Variants in USP32 observed in about 807,000 individuals in gnomAD.
The protein encoded by USP32 is ubiquitin specific peptidase 32.
Under a neutral mutation model 204.8 loss-of-function variants are expected in USP32, and 59 were observed. The observed-to-expected ratio is 0.29, with a 90% CI of 0.23 to 0.36. USP32 has a LOEUF of 0.36. USP32 is among the 10% of genes least tolerant of loss of function. USP32 has a pLI of 1.00. For synonymous variants in USP32, 517 were observed against 678.4 expected, an observed-to-expected ratio of 0.76 and a Z score of 3.70; for missense variants, 1,160 against 1,946.4, an observed-to-expected ratio of 0.60 and a Z score of 7.60.
At chr17:60,219,890 G>C (rs1319335868) in intron 15 of USP32, 103 bp from the exon 16 acceptor site, 10 of 1,069,546 alleles carry the variant, frequency 9.3e-6, no homozygotes, top group Non-Finnish European at 1.3e-5. Flanking sequence ...TGTCCAACAA[G>C]TTCACTAGCT....
chr17:60,183,403 T>C lies in USP32; in HGVS notation c.3885A>G (p.Ser1295=). ...FQFVNGRWIK[S]QKIVKFPRES... ...CCCGAGGAAATTTGACAATTTTCTG[T>C]GATTTTATCCACCGACCATTTACAA... Residue 1295 remains serine, a synonymous_variant, in exon 31 of 34, where the codon TCA becomes TCG. Coordinates refer to ENST00000300896, the MANE Select transcript of USP32 (RefSeq NM_032582.4). 1 of 1,613,508 alleles carries C rather than the reference T, an allele frequency of 6.2e-7. No individual in the cohort carries two copies.
chr17:60,288,503 A>G lies in USP32; in HGVS notation c.571+20T>C. ...ATATAAAAAAAGGCAAACAGAAAAC[A>G]ATGAAATGTCATTACTTACAATGTG... is the stretch of plus-strand genomic sequence containing the variant. On this transcript the variant is annotated intron_variant, in intron 5 of 33. Transcript: ENST00000300896. 1.3e-6 allele frequency: 2 copies of G among 1,570,062 alleles called. No individual in the cohort carries two copies. Among genetic ancestry groups the G allele is most frequent in the Middle Eastern group, 1.7e-4 (1 of 5,842 alleles).
chr17:60,220,083 T>A (rs1266728941), intron 15 of USP32, among the ~76,000 whole-genome samples: 1 of 151,992 alleles, frequency 6.6e-6, no homozygotes, highest in Admixed American at 6.6e-5. Context: ...TCTATAATTC[T>A]ACTACCCTCA....
rs75929823 is a variant in USP32 at position 60,404,090 on chromosome 17, A to G, written c.106+18156T>C. On this transcript the variant is annotated intron_variant, in intron 1 of 3. Coordinates refer to the USP32 transcript ENST00000588898. Reference sequence around the variant, plus strand: ...AAAAGAAAGAAAAAGAAATATGCGCACACACACATATTTCTGGGGATTACT... The same window carrying G: ...AAAAGAAAGAAAAAGAAATATGCGCGCACACACATATTTCTGGGGATTACT... 1.3e-3 allele frequency among the ~76,000 whole-genome samples: 193 copies of G among 152,020 alleles called. 1 individual carries two copies. The highest frequency in any genetic ancestry group is 4.4e-3 in the African/African-American group (181 of 41,496).
Position 60,271,356 on chromosome 17 carries a change from T to C in USP32, c.697A>G (p.Ser233Gly), listed in dbSNP as rs2086720041. 1.9e-6 allele frequency: 3 copies of C among 1,613,988 alleles called. No individual in the cohort carries two copies. The highest frequency in any genetic ancestry group is 2.2e-5 in the East Asian group (1 of 44,854). The stretch of plus-strand genomic sequence containing the variant: ...AAAATGGAATGATCCCTACCTTCAC[T>C]TAGAGATGGACGAATAGGTGGTGAA... ...LVSPPIRPSL[S>G]EGLFNAFDEN... Residue 233 changes from serine to glycine, a missense_variant, in exon 6 of 34, where the codon AGT becomes GGT. Transcript: ENST00000300896.
chr17:60,411,484 G>A (rs751874853), intron 1 of USP32, among the ~76,000 whole-genome samples: 8 of 148,474 alleles, frequency 5.4e-5, no homozygotes, highest in Non-Finnish European at 1.0e-4. Context: ...TTACACTCTA[G>A]CCTCGGTGAC....
intron 4 of USP32, among the ~76,000 whole-genome samples, chr17:60,289,867 T>A (rs984549642): frequency 5.9e-5 from 9 of 152,188 alleles, no homozygotes; most frequent in Admixed American, 1.3e-4. Flanking sequence ...GAATAATTAG[T>A]TACCTAAAAG....
intron 3 of USP32, among the ~76,000 whole-genome samples, chr17:60,300,569 C>A (rs190469564): frequency 1.9e-4 from 29 of 152,158 alleles, no homozygotes; most frequent in African/African-American, 5.8e-4. Context: ...AAAAATTAAA[C>A]CTTTTACAAA....
At chr17:60,193,143 G>A (rs1008631728) in intron 27 of USP32, among the ~76,000 whole-genome samples, 1 of 152,164 alleles carries the variant, frequency 6.6e-6, no homozygotes, top group Non-Finnish European at 1.5e-5. Context: ...CTTACAGAAG[G>A]GTAGACATAA....
At chr17:60,265,065 A>C (rs1482008753) in intron 9 of USP32, among the ~76,000 whole-genome samples, 1 of 152,160 alleles carries the variant, frequency 6.6e-6, no homozygotes, top group African/African-American at 2.4e-5. Flanking sequence ...CATACAGTAT[A>C]TATTCTTTTT....
chr17:60,249,692 T>TTAG, intron 11 of USP32: 1 of 700,214 alleles, frequency 1.4e-6, no homozygotes, highest in South Asian at 1.5e-5. Flanking sequence ...TCACCAAGGA[T>TTAG]TAGTAGTTCT....
At chr17:60,392,224 T>C, upstream of USP32, 1 of 399,304 alleles carries the variant, frequency 2.5e-6, no homozygotes, top group Non-Finnish European at 4.6e-6. Flanking sequence ...TCACGCCCTC[T>C]TGCCACTTCC....
upstream of USP32, among the ~76,000 whole-genome samples, chr17:60,394,066 T>G (rs542906600): frequency 6.6e-6 from 1 of 152,336 alleles, no homozygotes; most frequent in African/African-American, 2.4e-5. Context: ...CCTTTCCAGT[T>G]CACTGTGAGG....
chr17:60,346,115 A>ATT (rs572626378), intron 1 of USP32, among the ~76,000 whole-genome samples: 1 of 148,152 alleles, frequency 6.7e-6, no homozygotes, highest in African/African-American at 2.5e-5. Context: ...AATAAGTATA[A>ATT]TTTTTTTTTT....
intron 11 of USP32, among the ~76,000 whole-genome samples, chr17:60,245,840 T>C (rs1244172462): frequency 6.6e-6 from 1 of 151,198 alleles, no homozygotes; most frequent in Non-Finnish European, 1.5e-5. Context: ...TTAGTTCACC[T>C]TCTTTTTTTT....
At chr17:60,265,116 C>A (rs79429298) in intron 9 of USP32, among the ~76,000 whole-genome samples, 1 of 152,180 alleles carries the variant, frequency 6.6e-6, no homozygotes, top group Non-Finnish European at 1.5e-5. Context: ...AGCCTTACCA[C>A]AACTTAGTCA....
chr17:60,242,248 C>A (rs2085896999), intron 11 of USP32, among the ~76,000 whole-genome samples: 1 of 152,108 alleles, frequency 6.6e-6, no homozygotes, highest in South Asian at 2.1e-4. Context: ...TCTCAGCCTC[C>A]TGAGTAGCTG....
At chr17:60,212,410 G>A (rs1250948727) in intron 18 of USP32, among the ~76,000 whole-genome samples, 1 of 152,142 alleles carries the variant, frequency 6.6e-6, no homozygotes, top group Non-Finnish European at 1.5e-5. Flanking sequence ...GTAACACAAT[G>A]GTAAGTATTT....
At chr17:60,294,643 T>C (rs771339612) in intron 4 of USP32, 40 bp downstream of exon 4, 2 of 1,356,106 alleles carry the variant, frequency 1.5e-6, no homozygotes, top group Non-Finnish European at 2.1e-6. Flanking sequence ...GTTAATACTT[T>C]GTCAATGAAA....
Sources: gnomAD v4.1 joint callset for allele counts (sites outside exome capture counted in the v4.1 genomes callset) on GRCh38, gnomAD v4.1.1 for gene constraint, MANE v1.5 for transcripts, NCBI Gene and HGNC (gene_info 2026-07-23, HGNC 2026-07-21) for gene names.